The following CDH12 variants were observed in gnomAD, a reference collection of about 807,000 sequenced individuals.
The protein encoded by CDH12 is cadherin-12.
Under a neutral mutation model 74.1 loss-of-function variants are expected in CDH12, and 41 were observed. That is an observed-to-expected ratio of 0.55 (90% confidence interval 0.43 to 0.72). The LOEUF is 0.72. CDH12 is among the 30% of genes least tolerant of loss of function. The pLI, the probability that CDH12 is intolerant of heterozygous loss-of-function variation, is 0.00. For synonymous variants in CDH12, 399 were observed against 355.0 expected, an observed-to-expected ratio of 1.12 and a Z score of -1.39; for missense variants, 945 against 977.2, an observed-to-expected ratio of 0.97 and a Z score of 0.44.
At chr5:21,911,217 T>C (rs1753845661) in intron 6 of CDH12, among the ~76,000 whole-genome samples, 1 of 152,162 alleles carries the variant, frequency 6.6e-6, no homozygotes, top group Non-Finnish European at 1.5e-5. Flanking sequence ...AACACTGAGC[T>C]TCTCATTAAA....
intron 5 of CDH12, among the ~76,000 whole-genome samples, chr5:21,989,447 C>T (rs2431920): frequency 0.02 from 3,104 of 152,064 alleles, 111 homozygotes; most frequent in African/African-American, 0.071. Flanking sequence ...TCTGTACTTT[C>T]GGGTGTGTTT....
At chr5:21,877,158 G>T (rs1751979850) in intron 6 of CDH12, among the ~76,000 whole-genome samples, 1 of 151,968 alleles carries the variant, frequency 6.6e-6, no homozygotes, top group Non-Finnish European at 1.5e-5. Context: ...ATCCTAGATT[G>T]CACCATTGTA....
chr5:22,354,290 G>T (rs983315109), intron 3 of CDH12, among the ~76,000 whole-genome samples: 6 of 152,140 alleles, frequency 3.9e-5, no homozygotes, highest in African/African-American at 1.4e-4. Context: ...AGGACTAAAG[G>T]AAACTTTCCT....
At chr5:21,949,828 G>C (rs1395372765) in intron 6 of CDH12, among the ~76,000 whole-genome samples, 1 of 152,138 alleles carries the variant, frequency 6.6e-6, no homozygotes, top group Non-Finnish European at 1.5e-5. Flanking sequence ...TTAAAAATAA[G>C]TTAAAAAGTT....
At chr5:21,847,422 T>C (rs12171538) in intron 7 of CDH12, among the ~76,000 whole-genome samples, 29,709 of 152,044 alleles carry the variant, frequency 0.2, 3,090 homozygotes, top group African/African-American at 0.26. Flanking sequence ...CTTACAATTC[T>C]GGATGTAAGG....
intron 3 of CDH12, among the ~76,000 whole-genome samples, chr5:22,378,684 G>A (rs1008282696): frequency 6.6e-6 from 1 of 151,942 alleles, no homozygotes; most frequent in Non-Finnish European, 1.5e-5. Context: ...CTCTTTATAT[G>A]AGCCAATAAT....
At chr5:22,504,786 A>C (rs1348373242) in intron 2 of CDH12, among the ~76,000 whole-genome samples, 1 of 152,048 alleles carries the variant, frequency 6.6e-6, no homozygotes, top group Admixed American at 6.6e-5. Context: ...AAGAAGAGAA[A>C]ATTTATGACT....
chr5:22,281,160 G>A (rs1470998160), intron 3 of CDH12, among the ~76,000 whole-genome samples: 2 of 151,924 alleles, frequency 1.3e-5, no homozygotes, highest in Admixed American at 6.6e-5. Context: ...AAGGCCTTTG[G>A]CAAAATTAAA....
At chr5:22,752,693 T>C (rs972363248) in intron 1 of CDH12, among the ~76,000 whole-genome samples, 1 of 89,006 alleles carries the variant, frequency 1.1e-5, no homozygotes, top group Non-Finnish European at 2.3e-5. Flanking sequence ...TGCCTCAGCC[T>C]CCCTAGTAGC....
intron 2 of CDH12, among the ~76,000 whole-genome samples, chr5:22,423,669 A>C (rs919710846): frequency 1.3e-5 from 2 of 152,148 alleles, no homozygotes; most frequent in African/African-American, 4.8e-5. Flanking sequence ...CCCAAACTTC[A>C]AGCCTGATGC....
intron 3 of CDH12, among the ~76,000 whole-genome samples, chr5:22,280,124 C>T (rs1162739154): frequency 2.6e-5 from 4 of 152,132 alleles, no homozygotes; most frequent in Non-Finnish European, 4.4e-5. Flanking sequence ...TCTCTGATGT[C>T]CAGTAATGAT....
chr5:22,229,653 C>A (rs1490600778), intron 3 of CDH12, among the ~76,000 whole-genome samples: 1 of 151,978 alleles, frequency 6.6e-6, no homozygotes, highest in African/African-American at 2.4e-5. Flanking sequence ...TACTTTTCTC[C>A]AAATGATTCT....
Position 22,463,867 on chromosome 5 carries a change from A to T in CDH12, c.-428+41403T>A, listed in dbSNP as rs187721363. Among the ~76,000 whole-genome samples the T allele has an allele frequency of 5.9e-3, 895 of 152,286 alleles. 3 individuals carry two copies. The highest frequency in any genetic ancestry group is 0.017 in the Middle Eastern group (5 of 294). On this transcript the variant is annotated intron_variant, in intron 2 of 14. Transcript: ENST00000382254. Reference sequence around the variant, plus strand: ...AGAATGCTTACCCTTTAGAAAAATAATCATATTTACTAATATCCCCTACAT... The same window carrying T: ...AGAATGCTTACCCTTTAGAAAAATATTCATATTTACTAATATCCCCTACAT...
At chr5:21,870,830 C>T (rs1751580832) in intron 6 of CDH12, among the ~76,000 whole-genome samples, 1 of 152,172 alleles carries the variant, frequency 6.6e-6, no homozygotes, top group South Asian at 2.1e-4. Context: ...CTGGTGAACT[C>T]AAGCAATTCT....
intron 6 of CDH12, among the ~76,000 whole-genome samples, chr5:21,899,031 C>T (rs1753261372): frequency 6.6e-6 from 1 of 152,148 alleles, no homozygotes; most frequent in African/African-American, 2.4e-5. Context: ...TATGGTCTTT[C>T]CACCTCTGTG....
At chr5:22,452,873 C>T (rs543645851) in intron 2 of CDH12, among the ~76,000 whole-genome samples, 31 of 43,982 alleles carry the variant, frequency 7.0e-4, no homozygotes, top group Admixed American at 3.2e-3. Flanking sequence ...CTCAAACAAC[C>T]TAAGAGCAAA....
intron 5 of CDH12, among the ~76,000 whole-genome samples, chr5:22,029,552 A>G (rs1280389788): frequency 5.9e-5 from 9 of 152,104 alleles, no homozygotes; most frequent in Admixed American, 5.9e-4. Context: ...GCAAATCAAA[A>G]CCACAATGAG....
chr5:22,117,449 A>ATATATATATTATATATATAT (rs1745189083), intron 4 of CDH12, among the ~76,000 whole-genome samples: 1 of 89,266 alleles, frequency 1.1e-5, no homozygotes, highest in Non-Finnish European at 2.0e-5. Flanking sequence ...TATATATATA[A>ATATATATATTATATATATAT]TATATATATT....
At chr5:22,380,408 G>A (rs928242751) in intron 3 of CDH12, among the ~76,000 whole-genome samples, 5 of 152,006 alleles carry the variant, frequency 3.3e-5, no homozygotes, top group African/African-American at 1.2e-4. Context: ...TCCAAAGAAT[G>A]GAGTCAACAC....
Sources: gnomAD v4.1 joint callset for allele counts (sites outside exome capture counted in the v4.1 genomes callset) on GRCh38, gnomAD v4.1.1 for gene constraint, MANE v1.5 for transcripts, NCBI Gene and HGNC (gene_info 2026-07-23, HGNC 2026-07-21) for gene names.